RASGRF1: variants seen among roughly 807,000 people sequenced by gnomAD.
RASGRF1 encodes the protein Ras protein specific guanine nucleotide releasing factor 1.
A neutral mutation model predicts 138.7 loss-of-function variants in RASGRF1; 40 were observed. The ratio of observed to expected loss-of-function variants is 0.29; its 90% CI spans 0.22 to 0.38. RASGRF1 has a LOEUF of 0.38. Among genes scored for constraint, RASGRF1 ranks in the 10% least tolerant of loss-of-function variants. RASGRF1 has a pLI of 1.00. For missense variants in RASGRF1, 1,108 were observed against 1,650.4 expected (o/e 0.67, Z 5.69); for synonymous variants, 614 against 663.2 (o/e 0.93, Z 1.14).
At chr15:78,997,924 G>A in intron 19 of RASGRF1, 172 bp downstream of exon 19, 2 of 610,906 alleles carry the variant, frequency 3.3e-6, no homozygotes, top group Non-Finnish European at 5.8e-6. Flanking sequence ...AGACTACCCA[G>A]CCCTGAGCCT....
At position 79,046,684 on chromosome 15, in the gene RASGRF1, T is replaced by G; in HGVS notation, c.878+62A>C. ...ACCACGTGAGAGAGTGTGTCAAAGC[T>G]TAGCTGCGGCCAATGCTCACTAGTC... is the stretch of plus-strand genomic sequence containing the variant. On this transcript the variant is annotated intron_variant, in intron 5 of 26. Coordinates refer to ENST00000558480, the MANE Select transcript of RASGRF1 (RefSeq NM_001145648.3). The surrounding 1 kb of genome is among the most constrained non-coding windows in gnomAD (Gnocchi z 5.3). The G allele has an allele frequency of 1.3e-6, 2 of 1,596,570 alleles. No individual in the cohort carries two copies. Among genetic ancestry groups the G allele is most frequent in the South Asian group, 2.2e-5 (2 of 89,078 alleles).
At chr15:79,087,636 C>T (rs1446691536) in intron 1 of RASGRF1, among the ~76,000 whole-genome samples, 1 of 152,236 alleles carries the variant, frequency 6.6e-6, no homozygotes, top group Non-Finnish European at 1.5e-5. Context: ...TGGAGTTAGA[C>T]CTATCATGCT....
Position 79,050,777 on chromosome 15 carries a change from G to A in RASGRF1, c.532-1189C>T, listed in dbSNP as rs1018490320. On this transcript the variant is annotated intron_variant, in intron 3 of 26. Coordinates refer to ENST00000558480, the MANE Select transcript of RASGRF1 (RefSeq NM_001145648.3). The surrounding 1 kb of genome is among the most constrained non-coding windows in gnomAD (Gnocchi z 4.1). ...ACAGGCCAGTGGTGTATCCTCCTGC[G>A]CAGGGCTCGTCCAACCACTCCAATT... is the stretch of plus-strand genomic sequence containing the variant. Among the ~76,000 whole-genome samples the A allele has an allele frequency of 2.6e-5, 4 of 152,182 alleles. No individual in the cohort carries two copies. The highest frequency in any genetic ancestry group is 9.7e-5 in the African/African-American group (4 of 41,434).
chr15:79,069,443 C>T (rs1595961950), intron 1 of RASGRF1, among the ~76,000 whole-genome samples: 1 of 152,178 alleles, frequency 6.6e-6, no homozygotes. Flanking sequence ...GATCTGTAAC[C>T]ACTGTTTTTG....
At chr15:79,039,902 TG>T (rs760728740) in intron 5 of RASGRF1, among the ~76,000 whole-genome samples, 51 of 152,166 alleles carry the variant, frequency 3.4e-4, no homozygotes, top group Admixed American at 1.7e-3. Flanking sequence ...CCTGAGAAGC[TG>T]GGACTACAGG....
At chr15:79,090,117 A>C in intron 1 of RASGRF1, 106 bp downstream of exon 1, 7 of 1,391,128 alleles carry the variant, frequency 5.0e-6, no homozygotes, top group Non-Finnish European at 6.6e-6. Context: ...CTAGGGCGCC[A>C]AGAGTAGAGG....
chr15:79,089,825 C>G (rs1334085934), intron 1 of RASGRF1, among the ~76,000 whole-genome samples: 6 of 152,188 alleles, frequency 3.9e-5, no homozygotes, highest in African/African-American at 1.4e-4. Context: ...GTAGAACAGA[C>G]GATCGGGGCT....
At chr15:79,049,734 T>G in intron 3 of RASGRF1, 146 bp from the exon 4 acceptor site, 1 of 650,594 alleles carries the variant, frequency 1.5e-6, no homozygotes, top group Non-Finnish European at 2.6e-6. Flanking sequence ...CTTGTGATTC[T>G]GACTCTGTGC....
intron 1 of RASGRF1, among the ~76,000 whole-genome samples, chr15:79,079,254 C>A (rs930235449): frequency 2.0e-5 from 3 of 152,164 alleles, no homozygotes; most frequent in Non-Finnish European, 4.4e-5. Context: ...AGCCAGCCTG[C>A]CCTCCCCTTT....
Position 78,975,197 on chromosome 15 carries a change from C to G in RASGRF1, c.3495-1777G>C, listed in dbSNP as rs964262005. Among the ~76,000 whole-genome samples the G allele has an allele frequency of 3.3e-5, 5 of 152,126 alleles. No homozygotes were observed. The East Asian group carries it at 7.7e-4, about 23-fold the overall frequency. ...CTTGAGTCCAACGGTTCAAGACCAG[C>G]CTGAGCAACATAGTGAGACCCCATC... On this transcript the variant is annotated intron_variant, in intron 24 of 26. Transcript: ENST00000558480.
At chr15:78,988,864 A>T (rs2056215538) in intron 22 of RASGRF1, among the ~76,000 whole-genome samples, 1 of 128,060 alleles carries the variant, frequency 7.8e-6, no homozygotes, top group African/African-American at 2.9e-5. Flanking sequence ...TTTTCCTCAC[A>T]CAGCTGATTT....
intron 1 of RASGRF1, among the ~76,000 whole-genome samples, chr15:79,087,576 C>G (rs1252465328): frequency 1.3e-5 from 2 of 152,244 alleles, no homozygotes; most frequent in East Asian, 1.9e-4. Flanking sequence ...ACATGCCCAG[C>G]AGATTGAGCC....
intron 15 of RASGRF1, among the ~76,000 whole-genome samples, chr15:79,003,416 G>A (rs530907849): frequency 1.8e-4 from 27 of 152,328 alleles, no homozygotes; most frequent in African/African-American, 3.6e-4. Context: ...AGCTGCTGAC[G>A]ACCTCTTCTC....
In RASGRF1 at chr15:79,064,511, T is replaced by G; in HGVS notation, c.292A>C (p.Asn98His). The G allele has an allele frequency of 6.2e-7, 1 of 1,614,150 alleles. No homozygotes were observed. Among genetic ancestry groups the G allele is most frequent in the Non-Finnish European group, 8.5e-7 (1 of 1,179,976 alleles). Residue 98 changes from asparagine to histidine, a missense_variant, in exon 2 of 27, where the codon AAC becomes CAC. Asn to His is a moderately conservative substitution (Grantham distance 68). Around this residue, in one of 3 missense-constraint regions of RASGRF1, gnomAD observed 253 missense variants for 329.5 expected, o/e 0.77. Coordinates refer to ENST00000558480, the MANE Select transcript of RASGRF1 (RefSeq NM_001145648.3). Reference protein sequence around the residue: ...PLEKQHYFTVNFSHENQKALE... With the variant: ...PLEKQHYFTVHFSHENQKALE... ...GCTTTCTGGTTCTCATGGCTGAAGT[T>G]CACCGTGAAGTAATGCTGTATCAAG... is the stretch of plus-strand genomic sequence containing the variant.
intron 14 of RASGRF1, 146 bp from the exon 15 acceptor site, chr15:79,004,321 T>C: frequency 8.9e-7 from 1 of 1,118,452 alleles, no homozygotes; most frequent in Non-Finnish European, 1.2e-6. Context: ...GAGCTGATCC[T>C]CTGAGCAGGG....
chr15:79,007,934 C>A (rs2056716804), intron 13 of RASGRF1, among the ~76,000 whole-genome samples: 1 of 151,762 alleles, frequency 6.6e-6, no homozygotes, highest in African/African-American at 2.4e-5. Flanking sequence ...CCTCTGCCTC[C>A]ACGATTCAAG....
At chr15:78,993,384 TGG>T (rs767028782) in intron 20 of RASGRF1, among the ~76,000 whole-genome samples, 1 of 143,902 alleles carries the variant, frequency 6.9e-6, no homozygotes, top group Non-Finnish European at 1.5e-5. Context: ...TGTGTGTGTG[TGG>T]GTGTGTGTGT....
At chr15:79,030,977 C>A (rs1038333356) in intron 8 of RASGRF1, among the ~76,000 whole-genome samples, 4 of 152,222 alleles carry the variant, frequency 2.6e-5, no homozygotes, top group Non-Finnish European at 5.9e-5. Context: ...GCTTATCCAA[C>A]CACTGCCACT....
chr15:78,976,321 C>T lies in RASGRF1; in HGVS notation c.3495-2901G>A, dbSNP rs540346979. On this transcript the variant is annotated intron_variant, in intron 24 of 26. Coordinates refer to ENST00000558480, the MANE Select transcript of RASGRF1 (RefSeq NM_001145648.3). Reference sequence around the variant, plus strand: ...TGGCCAATCTTTTCGCTTCCCTGGCCGCATTGGAAGAAGAATTGTCTTGGG... The same window carrying T: ...TGGCCAATCTTTTCGCTTCCCTGGCTGCATTGGAAGAAGAATTGTCTTGGG... Among the ~76,000 whole-genome samples the T allele has an allele frequency of 4.9e-4, 74 of 152,170 alleles. No individual in the cohort carries two copies. The South Asian group carries it at 8.5e-3, about 17-fold the overall frequency.
Sources: gnomAD v4.1 joint callset for allele counts (sites outside exome capture counted in the v4.1 genomes callset) on GRCh38, gnomAD v4.1.1 for gene constraint, gnomAD v4.1.1 regional missense constraint, Gnocchi (gnomAD v3.1) non-coding constraint, MANE v1.5 for transcripts, NCBI Gene and HGNC (gene_info 2026-07-23, HGNC 2026-07-21) for gene names.